USP24: variants seen among roughly 807,000 people sequenced by gnomAD.
USP24 encodes ubiquitin specific peptidase 24.
In USP24, 97 loss-of-function variants were observed where a neutral mutation model predicts 361.6. The observed-to-expected ratio is 0.27, with a 90% confidence interval of 0.23 to 0.32. The LOEUF (loss-of-function observed/expected upper bound fraction) is 0.32. Among genes scored for constraint, USP24 ranks in the 10% least tolerant of loss-of-function variants. The probability of loss-of-function intolerance (pLI) is 1.00; values close to 1 mark genes in which losing one functional copy is unlikely to be tolerated. For synonymous variants in USP24, 1,098 were observed against 1,124.6 expected, an observed-to-expected ratio of 0.98 and a Z score of 0.47; for missense variants, 2,353 against 3,165.6, an observed-to-expected ratio of 0.74 and a Z score of 6.16.
At chr1:55,099,500 G>A (rs1196708528) in intron 45 of USP24, among the ~76,000 whole-genome samples, 2 of 152,084 alleles carry the variant, frequency 1.3e-5, no homozygotes, top group Admixed American at 6.6e-5. Context: ...AGAGGTTGCA[G>A]TGAGCTGAGA....
chr1:55,097,640 G>A lies in USP24; in HGVS notation c.5673C>T (p.Asp1891=). 6.3e-7 allele frequency: 1 copy of A among 1,586,052 alleles called. No homozygotes were observed. Among genetic ancestry groups the A allele is most frequent in the Non-Finnish European group, 8.6e-7 (1 of 1,164,850 alleles). The stretch of plus-strand genomic sequence containing the variant: ...ATTTAATGGAGCGTCCGCTTTCCCA[G>A]TCAAACCCAAATCTCATTAGGTGAA... The part of the protein sequence containing the change: ...LVIHLMRFGF[D]WESGRSIKYD... Residue 1891 remains aspartate, a synonymous_variant, in exon 48 of 68, where the codon GAC becomes GAT. Coordinates refer to ENST00000294383, the MANE Select transcript of USP24 (RefSeq NM_015306.3).
chr1:55,080,032 TATAA>T (rs1209624831), intron 59 of USP24, among the ~76,000 whole-genome samples: 4 of 152,076 alleles, frequency 2.6e-5, no homozygotes, highest in Admixed American at 1.3e-4. Context: ...GAGGTAAAAA[TATAA>T]ATAGTTTATG....
intron 41 of USP24, 32 bp downstream of exon 41, chr1:55,106,114 C>G (rs1198372865): frequency 6.4e-7 from 1 of 1,559,842 alleles, no homozygotes; most frequent in East Asian, 2.2e-5. Context: ...AGAATTTTTA[C>G]CAAAACTGAA....
intron 17 of USP24, 98 bp downstream of exon 17, chr1:55,148,365 T>G (rs199779813): frequency 2.5e-5 from 1 of 40,128 alleles, no homozygotes; most frequent in Non-Finnish European, 4.6e-5. Flanking sequence ...TCAATAAACA[T>G]AAAGATAGTG....
chr1:55,071,759 G>A, intron 67 of USP24, 55 bp downstream of exon 67: 1 of 1,518,718 alleles, frequency 6.6e-7, no homozygotes, highest in Admixed American at 1.9e-5. Flanking sequence ...ATTCTTTTTG[G>A]AAAGCTTAAG....
chr1:55,102,958 C>T (rs1645674760), intron 42 of USP24, among the ~76,000 whole-genome samples: 1 of 152,200 alleles, frequency 6.6e-6, no homozygotes. Context: ...CTATTTAGGA[C>T]ATCTGTCCCC....
chr1:55,107,677 A>G (rs1045047763), intron 39 of USP24, among the ~76,000 whole-genome samples: 2 of 151,754 alleles, frequency 1.3e-5, no homozygotes, highest in African/African-American at 2.4e-5. Flanking sequence ...CCCCATCTCT[A>G]CTAAAAATAC....
At chr1:55,069,646 G>T (rs1442599230) in intron 67 of USP24, among the ~76,000 whole-genome samples, 2 of 151,922 alleles carry the variant, frequency 1.3e-5, no homozygotes, top group African/African-American at 4.8e-5. Context: ...AACCTAAGCT[G>T]AGTGAGAGTT....
chr1:55,070,559 G>A (rs192512268), intron 67 of USP24, among the ~76,000 whole-genome samples: 43 of 152,346 alleles, frequency 2.8e-4, no homozygotes, highest in Non-Finnish European at 4.6e-4. Context: ...CTGCTGAGTT[G>A]GAGAGAAGAG....
At position 55,079,625 on chromosome 1, in the gene USP24, G is replaced by A. The variant is rs751891396; in HGVS notation, c.7113C>T (p.Ser2371=). Residue 2371 remains serine, a synonymous_variant, in exon 60 of 68, where the codon AGC becomes AGT. Transcript: ENST00000294383. Reference sequence around the variant, plus strand: ...GCAACAGAGGGCTTGAGGGAGCAATGCTAATGGGTGGTCGTTGCTTAAATA... The same window carrying A: ...GCAACAGAGGGCTTGAGGGAGCAATACTAATGGGTGGTCGTTGCTTAAATA... The part of the protein sequence containing the change: ...PGIFKQRPPI[S]IAPSSPLLPL... The A allele has an allele frequency of 6.5e-7, 1 of 1,544,146 alleles. No individual in the cohort carries two copies. The highest frequency in any genetic ancestry group is 1.3e-5 in the South Asian group (1 of 77,394).
In USP24 at chr1:55,189,484, T is replaced by C. The variant is rs566814283; in HGVS notation, c.325-11352A>G. On this transcript the variant is annotated intron_variant, in intron 1 of 67. Coordinates refer to ENST00000294383, the MANE Select transcript of USP24 (RefSeq NM_015306.3). ...AAGAAGCCAGACATAAAAGGCCGCA[T>C]ATTGTATCATTCTGTTTATATGAAA... is the stretch of plus-strand genomic sequence containing the variant. Among the ~76,000 whole-genome samples the C allele has an allele frequency of 4.6e-5, 7 of 152,326 alleles. No homozygotes were observed. In the South Asian group the frequency reaches 1.4e-3, roughly 32 times the overall value.
chr1:55,130,264 TGA>T (rs1570486453), intron 31 of USP24, among the ~76,000 whole-genome samples: 1 of 152,234 alleles, frequency 6.6e-6, no homozygotes, highest in Non-Finnish European at 1.5e-5. Flanking sequence ...TTTACCTAGC[TGA>T]GAGACCTTAG....
At chr1:55,172,922 A>G (rs1649596061) in intron 3 of USP24, among the ~76,000 whole-genome samples, 1 of 152,324 alleles carries the variant, frequency 6.6e-6, no homozygotes, top group East Asian at 1.9e-4. Context: ...TTATCTCTAA[A>G]GAGGCATAAC....
chr1:55,203,511 T>A (rs1191682194), intron 1 of USP24, among the ~76,000 whole-genome samples: 1 of 152,228 alleles, frequency 6.6e-6, no homozygotes, highest in African/African-American at 2.4e-5. Context: ...GAGAGGGAAA[T>A]GCAGGAAATA....
intron 21 of USP24, among the ~76,000 whole-genome samples, 160 bp from the exon 22 acceptor site, chr1:55,143,279 T>C (rs1646939738): frequency 6.6e-6 from 1 of 152,212 alleles, no homozygotes; most frequent in African/African-American, 2.4e-5. Context: ...ATTATACTGA[T>C]ATGGAACTTT....
intron 1 of USP24, 76 bp from the exon 2 acceptor site, chr1:55,178,208 G>C: frequency 6.9e-7 from 1 of 1,456,176 alleles, no homozygotes; most frequent in Non-Finnish European, 9.3e-7. Flanking sequence ...ATGTAACACA[G>C]AGCAGATACT....
chr1:55,095,622 G>A (rs17410974), intron 50 of USP24, among the ~76,000 whole-genome samples: 4,480 of 152,270 alleles, frequency 0.029, 90 homozygotes, highest in Non-Finnish European at 0.046. Flanking sequence ...AGTGATATAG[G>A]TGGGGACAAG....
rs537757340 is a variant in USP24 at position 55,178,534 on chromosome 1, T to C, written c.325-402A>G. ...ATACAAAAAAATTAGCCAGGTGTAG[T>C]GGCGGGCGCCTGTAGTCCCAGCTAC... On this transcript the variant is annotated intron_variant, in intron 1 of 67. Coordinates refer to ENST00000294383, the MANE Select transcript of USP24 (RefSeq NM_015306.3). Among the ~76,000 whole-genome samples, 804 of 151,598 alleles carry C rather than the reference T, an allele frequency of 5.3e-3. 6 individuals are homozygous for C. The highest frequency in any genetic ancestry group is 0.019 in the African/African-American group (772 of 41,394).
Position 55,120,738 on chromosome 1 carries a change from C to A in USP24, c.4366G>T (p.Asp1456Tyr). The A allele has an allele frequency of 6.4e-7, 1 of 1,571,440 alleles. No homozygotes were observed. The highest frequency in any genetic ancestry group is 8.6e-7 in the Non-Finnish European group (1 of 1,158,100). Reference protein sequence around the residue: ...PSAEIRRVACDQLYTLSQTDT... With the variant: ...PSAEIRRVACYQLYTLSQTDT... ...GTCTGACTAAGAGTGTACAGCTGAT[C>A]ACAGGCAACCCGGCGAATCTGAAAT... is the stretch of plus-strand genomic sequence containing the variant. The change falls in exon 38 of 68, where the codon GAT (aspartate) becomes TAT (tyrosine). Residue 1456 changes from aspartate (D) to tyrosine (Y), a missense_variant. Physicochemically the swap from Asp to Tyr is radical, Grantham distance 160. Coordinates refer to ENST00000294383, the MANE Select transcript of USP24 (RefSeq NM_015306.3).
Sources: allele counts gnomAD v4.1 joint callset (sites outside exome capture counted in the v4.1 genomes callset), GRCh38; gene constraint gnomAD v4.1.1; transcripts MANE v1.5; gene names NCBI Gene and HGNC (gene_info 2026-07-23, HGNC 2026-07-21).